The following SRM variants were observed in gnomAD, a reference collection of about 807,000 sequenced individuals.
The protein encoded by SRM is spermidine synthase, also known as putrescine aminopropyltransferase.
In SRM, 14 loss-of-function variants were observed where a neutral mutation model predicts 39.3. The observed-to-expected ratio is 0.36, with a 90% CI of 0.24 to 0.56. SRM has a LOEUF of 0.56. SRM is among the 20% of genes least tolerant of loss of function. SRM has a pLI of 0.86. For synonymous variants in SRM, 195 were observed against 173.1 expected, an observed-to-expected ratio of 1.13 and a Z score of -0.99; for missense variants, 244 against 409.2, an observed-to-expected ratio of 0.60 and a Z score of 3.48.
intron 3 of SRM, among the ~76,000 whole-genome samples, chr1:11,057,803 G>C (rs949879204): frequency 6.7e-6 from 1 of 149,584 alleles, no homozygotes; most frequent in African/African-American, 2.5e-5. Flanking sequence ...TTTTGAGACA[G>C]ATTCTTCCTC....
intron 3 of SRM, among the ~76,000 whole-genome samples, chr1:11,057,667 C>T (rs1638904353): frequency 6.6e-6 from 1 of 151,346 alleles, no homozygotes; most frequent in Non-Finnish European, 1.5e-5. Flanking sequence ...TCAAACGCCA[C>T]CTCCTGGAGG....
chr1:11,055,719 C>T, intron 6 of SRM, 62 bp downstream of exon 6: 2 of 1,514,674 alleles, frequency 1.3e-6, no homozygotes, highest in Non-Finnish European at 1.8e-6. Context: ...CCGGCAGGGG[C>T]AGGGATCTCT....
In SRM at chr1:11,054,605, G is replaced by A. The variant is rs547247009; in HGVS notation, c.*260C>T. 3.8e-4 allele frequency: 205 copies of A among 532,584 alleles called. 1 individual carries two copies. Among genetic ancestry groups the A allele is most frequent in the Admixed American group, 1.1e-3 (31 of 27,906 alleles). The allele number at this position is 532,584 out of a possible 1,614,324, so 33.0% of individuals were successfully genotyped here. A position where few individuals can be genotyped will look rare whatever the true frequency, so the allele number is the denominator to read the frequency against. On this transcript the variant is annotated 3_prime_UTR_variant, in exon 8 of 8. Transcript: ENST00000376957. This position sits in a 1 kb window ranked among gnomAD's most constrained non-coding sequence, Gnocchi z 4.8. ...ACTCCAATCTTTGCTATAAATACAC[G>A]TGTTTGGTGAGTGAGGGGCAACAGA... is the stretch of plus-strand genomic sequence containing the variant.
At chr1:11,055,394 A>T (rs1479633180) in intron 6 of SRM, among the ~76,000 whole-genome samples, 1 of 148,518 alleles carries the variant, frequency 6.7e-6, no homozygotes, top group Non-Finnish European at 1.5e-5. Flanking sequence ...CAGGCATGAG[A>T]CACCGCACCT....
rs778556422 is a variant in SRM, at chr1:11,055,859, G to A, written c.687C>T (p.Pro229=). 20 of 1,606,500 alleles carry A rather than the reference G, an allele frequency of 1.2e-5. No individual in the cohort carries two copies. The African/African-American group carries it at 1.3e-4, about 11-fold the overall frequency. The change falls in exon 6 of 8, where the codon CCC becomes CCT. Residue 229 remains proline, a synonymous_variant. Transcript: ENST00000376957. The stretch of plus-strand genomic sequence containing the variant: ...TGGTGCAGTAGGCATAGGCCACCAC[G>A]GGGAACAGGGACTGGCAGAACTGCC... ...EMRQFCQSLF[P]VVAYAYCTIP...
At chr1:11,055,949 A>T in intron 5 of SRM, 23 bp from the exon 6 acceptor site, 1 of 1,590,710 alleles carries the variant, frequency 6.3e-7, no homozygotes, top group African/African-American at 1.3e-5. Context: ...AAGCATCAGC[A>T]TCCGGCAGGG....
intron 6 of SRM, 157 bp from the exon 7 acceptor site, chr1:11,055,241 A>G: frequency 3.5e-6 from 4 of 1,131,888 alleles, no homozygotes; most frequent in Non-Finnish European, 4.7e-6. Flanking sequence ...CCTCAGCCTC[A>G]GGTACGCGCC....
intron 2 of SRM, 51 bp from the exon 3 acceptor site, chr1:11,058,943 C>G (rs113448648): frequency 1.9e-5 from 29 of 1,527,188 alleles, no homozygotes; most frequent in East Asian, 9.4e-5. Flanking sequence ...CTGGGAGCCC[C>G]CAGGCCCCTG....
chr1:11,058,509 C>T (rs1246565976), intron 3 of SRM, among the ~76,000 whole-genome samples: 2 of 148,680 alleles, frequency 1.3e-5, no homozygotes, highest in East Asian at 4.0e-4. Flanking sequence ...TGCAGTGAGC[C>T]GAGATCGCAC....
intron 1 of SRM, 70 bp downstream of exon 1, chr1:11,059,707 G>A: frequency 6.7e-7 from 1 of 1,490,038 alleles, no homozygotes; most frequent in Non-Finnish European, 8.9e-7. Context: ...GCGTGGAGAG[G>A]CCCGTGAGGC....
intron 3 of SRM, among the ~76,000 whole-genome samples, chr1:11,057,720 TCTC>T (rs1267321099): frequency 6.6e-6 from 1 of 151,052 alleles, no homozygotes; most frequent in African/African-American, 2.4e-5. Flanking sequence ...AACCCTGCCT[TCTC>T]CTGTCCCCCA....
intron 3 of SRM, 66 bp downstream of exon 3, chr1:11,058,734 C>T: frequency 7.1e-7 from 1 of 1,412,912 alleles, no homozygotes; most frequent in Non-Finnish European, 9.6e-7. Context: ...GGTGTGCAGC[C>T]ATTTCAGGGC....
intron 5 of SRM, 22 bp from the exon 6 acceptor site, chr1:11,055,948 C>T (rs1172274428): frequency 1.3e-6 from 2 of 1,590,528 alleles, no homozygotes; most frequent in Non-Finnish European, 1.7e-6. Context: ...TAAGCATCAG[C>T]ATCCGGCAGG....
chr1:11,059,501 C>T (rs1638939007), intron 1 of SRM, 156 bp from the exon 2 acceptor site: 3 of 1,317,370 alleles, frequency 2.3e-6, no homozygotes, highest in East Asian at 2.4e-5. Flanking sequence ...GGCGGGCCGC[C>T]GGGTGGAGGC....
rs1638872925 is a variant in SRM, at chr1:11,056,017, A to G, written c.613T>C (p.Cys205Arg). 1 of 1,568,802 alleles carries G rather than the reference A, an allele frequency of 6.4e-7. No homozygotes were observed. The highest frequency in any genetic ancestry group is 1.4e-5 in the African/African-American group (1 of 73,048). The change falls in exon 5 of 8, where the codon TGC becomes CGC. Residue 205 changes from cysteine to arginine, a missense_variant. Transcript: ENST00000376957. ...TALKEDGVLC[C>R]QGECQWLHLD... ...CTCCAGGCCTGTGGCTCACCCTGGCAGCAGAGGACACCATCTTCCTTGAGG... is the reference window on the plus strand; with the variant it reads ...CTCCAGGCCTGTGGCTCACCCTGGCGGCAGAGGACACCATCTTCCTTGAGG...
chr1:11,055,296 A>C, intron 6 of SRM: 1 of 587,394 alleles, frequency 1.7e-6, no homozygotes, highest in Non-Finnish European at 2.7e-6. Context: ...TTGAGTAGTG[A>C]TGGGGTTTCT....
chr1:11,058,639 C>T, intron 3 of SRM, 161 bp downstream of exon 3: 1 of 555,076 alleles, frequency 1.8e-6, no homozygotes, highest in Non-Finnish European at 3.1e-6. Context: ...CCTGCCAGGC[C>T]CTCTGCCATC....
chr1:11,054,954 C>A lies in SRM; in HGVS notation c.888+8G>T. On this transcript the variant is annotated splice_region_variant and intron_variant, in intron 7 of 7. Transcript: ENST00000376957. This position sits in a 1 kb window ranked among gnomAD's most constrained non-coding sequence, Gnocchi z 4.8. ...GGGTCCCACCACCCAGCCCCGCAGG[C>A]CACCCACCTTGCGGGCAAACTCGGG... The A allele has an allele frequency of 6.2e-7, 1 of 1,612,010 alleles. No homozygotes were observed. The highest frequency in any genetic ancestry group is 8.5e-7 in the Non-Finnish European group (1 of 1,179,824).
At chr1:11,055,691 A>C in intron 6 of SRM, 90 bp downstream of exon 6, 1 of 1,369,758 alleles carries the variant, frequency 7.3e-7, no homozygotes, top group African/African-American at 1.4e-5. Context: ...CTGGGATTAC[A>C]GGTGTGAGCC....
Sources: allele counts gnomAD v4.1 joint callset (sites outside exome capture counted in the v4.1 genomes callset), GRCh38; gene constraint gnomAD v4.1.1; non-coding constraint Gnocchi (gnomAD v3.1); transcripts MANE v1.5; gene names NCBI Gene and HGNC (gene_info 2026-07-23, HGNC 2026-07-21).